MED13: variants seen among roughly 807,000 people sequenced by gnomAD.
MED13 encodes the protein mediator of RNA polymerase II transcription subunit 13.
MED13 carries 23 observed loss-of-function variants against 225.2 expected under a neutral mutation model. That is an observed-to-expected ratio of 0.10 (90% CI 0.07 to 0.14). The LOEUF is 0.14. Among genes scored for constraint, MED13 ranks in the 10% least tolerant of loss-of-function variants. MED13 has a pLI of 1.00. For synonymous variants in MED13, 942 were observed against 889.2 expected, an observed-to-expected ratio of 1.06 and a Z score of -1.06; for missense variants, 2,197 against 2,594.5, an observed-to-expected ratio of 0.85 and a Z score of 3.33.
chr17:61,955,375 T>G lies in MED13; in HGVS notation c.5968+7A>C, dbSNP rs751522081. 4 of 1,515,868 alleles carry G rather than the reference T, an allele frequency of 2.6e-6. No individual in the cohort carries two copies. In the South Asian group the frequency reaches 5.4e-5, roughly 20 times the overall value. The allele number at this position is 1,515,868 out of a possible 1,614,324, so 93.9% of individuals were successfully genotyped here. ...TTCAGACTACCAAAATGGAACAAAT[T>G]ACGTACCATTGTTGGGATTGAAAGC... is the stretch of plus-strand genomic sequence containing the variant. On this transcript the variant is annotated splice_region_variant and intron_variant, in intron 26 of 29. Coordinates refer to ENST00000397786, the MANE Select transcript of MED13 (RefSeq NM_005121.3).
intron 8 of MED13, among the ~76,000 whole-genome samples, chr17:62,018,351 C>T (rs550814582): frequency 4.6e-5 from 7 of 152,132 alleles, no homozygotes; most frequent in South Asian, 2.1e-4. Flanking sequence ...AAAAACAATA[C>T]GGTATAACAA....
chr17:62,052,441 G>A, intron 3 of MED13, 96 bp downstream of exon 3: 1 of 890,870 alleles, frequency 1.1e-6, no homozygotes. Context: ...TCTGGAATAT[G>A]TCTGTATATT....
At position 62,031,291 on chromosome 17, in the gene MED13, AAC is replaced by A. The variant is rs2080753260; in HGVS notation, c.1009+151_1009+152del. The A allele has an allele frequency of 6.2e-6, 4 of 641,156 alleles. No individual in the cohort carries two copies. The South Asian group carries it at 7.5e-5, about 12-fold the overall frequency. 39.7% of individuals were successfully genotyped at this position (641,156 alleles called of 1,614,324 possible). A position where few individuals can be genotyped will look rare whatever the true frequency, so the allele number is the denominator to read the frequency against. On this transcript the variant is annotated intron_variant, in intron 6 of 29. Transcript: ENST00000397786. ...CAGACAGGGTGATGGAGTAAATAATAACAGTTTGGAAATATGGCTAAGGAAAT... is the reference window on the plus strand; with the variant it reads ...CAGACAGGGTGATGGAGTAAATAATAAGTTTGGAAATATGGCTAAGGAAAT...
At chr17:62,024,335 T>C (rs2080679012) in intron 8 of MED13, among the ~76,000 whole-genome samples, 1 of 152,200 alleles carries the variant, frequency 6.6e-6, no homozygotes, top group Non-Finnish European at 1.5e-5. Context: ...AACAACTTTT[T>C]AAAAATAAAA....
At chr17:61,973,879 A>T (rs1206133044) in intron 16 of MED13, among the ~76,000 whole-genome samples, 1 of 152,100 alleles carries the variant, frequency 6.6e-6, no homozygotes, top group African/African-American at 2.4e-5. Context: ...GCTACTCGGG[A>T]GGCTAAGGCA....
chr17:62,025,311 C>CA (rs2080690730), intron 8 of MED13, among the ~76,000 whole-genome samples: 1 of 152,178 alleles, frequency 6.6e-6, no homozygotes, highest in Non-Finnish European at 1.5e-5. Context: ...ATCCGAATTT[C>CA]ACACAACTTT....
chr17:61,994,757 T>C (rs1462090934), intron 10 of MED13, among the ~76,000 whole-genome samples: 1 of 152,208 alleles, frequency 6.6e-6, no homozygotes, highest in Non-Finnish European at 1.5e-5. Context: ...TCACCCAAGC[T>C]GGAGTGCAGT....
intron 28 of MED13, among the ~76,000 whole-genome samples, chr17:61,949,890 G>A (rs971249526): frequency 1.3e-5 from 2 of 151,850 alleles, no homozygotes; most frequent in Non-Finnish European, 1.5e-5. Context: ...TCACCATGTT[G>A]GCCAGACTGG....
At chr17:62,062,594 CACACACCACACACA>C (rs1373402936) in intron 2 of MED13, among the ~76,000 whole-genome samples, 2 of 57,570 alleles carry the variant, frequency 3.5e-5, no homozygotes, top group East Asian at 4.4e-4. Context: ...CACACACACA[CACACACCACACACA>C]CACACACACA....
Position 61,943,194 on chromosome 17 carries a change from CA to C in MED13, c.*3273del. On this transcript the variant is annotated 3_prime_UTR_variant, in exon 30 of 30. Transcript: ENST00000397786. ...TAAAAACATTTTTCCTTAATTCAGA[CA>C]AACTAAAATCTTAAGAGGAAACCCA... The C allele has an allele frequency of 6.6e-6, 1 of 152,568 alleles. No homozygotes were observed. 9.5% of individuals were successfully genotyped at this position (152,568 alleles called of 1,614,324 possible).
chr17:61,972,994 A>T, intron 16 of MED13, 106 bp from the exon 17 acceptor site: 1 of 835,028 alleles, frequency 1.2e-6, no homozygotes, highest in South Asian at 2.1e-5. Flanking sequence ...GGTCTTCAGC[A>T]TCAAGAAGAT....
rs73336433 is a variant in MED13, at chr17:62,037,528, G to A, written c.471-1920C>T. On this transcript the variant is annotated intron_variant, in intron 3 of 29. Transcript: ENST00000397786. ...AAAAATACAAAAATTAGCCGGAGGT[G>A]CAGTGGTATGCGCCTGTAATCCCAG... is the stretch of plus-strand genomic sequence containing the variant. Among the ~76,000 whole-genome samples, 949 of 151,474 alleles carry A rather than the reference G, an allele frequency of 6.3e-3. 7 individuals are homozygous for A. Among genetic ancestry groups the A allele is most frequent in the African/African-American group, 0.022 (897 of 41,286 alleles).
At chr17:62,015,908 C>A (rs1377360142) in intron 8 of MED13, among the ~76,000 whole-genome samples, 2 of 35,778 alleles carry the variant, frequency 5.6e-5, no homozygotes, top group African/African-American at 9.4e-5. Context: ...CACATACACA[C>A]TATACACATA....
chr17:62,041,327 G>C (rs993697144), intron 3 of MED13, among the ~76,000 whole-genome samples: 10 of 152,136 alleles, frequency 6.6e-5, no homozygotes, highest in African/African-American at 2.4e-4. Flanking sequence ...ACCTGCAATA[G>C]TCAAGTTTCT....
At position 62,008,317 on chromosome 17, in the gene MED13, C is replaced by CAAAAA. The variant is rs766909961; in HGVS notation, c.1967+2228_1967+2232dup. 2.4e-3 allele frequency among the ~76,000 whole-genome samples: 79 copies of CAAAAA among 33,204 alleles called. 3 individuals carry two copies. The highest frequency in any genetic ancestry group is 8.2e-3 in the African/African-American group (76 of 9,322). 21.8% of individuals were successfully genotyped at this position (33,204 alleles called of 152,430 possible). A position where few individuals can be genotyped will look rare whatever the true frequency, so the allele number is the denominator to read the frequency against. ...TGGGCCACAGAGCGAGGCTCTGTCTCAAAAAAAAAAAAAAAAAAAAAAAAA... is the reference window on the plus strand; with the variant it reads ...TGGGCCACAGAGCGAGGCTCTGTCTCAAAAAAAAAAAAAAAAAAAAAAAAAAAAAA... On this transcript the variant is annotated intron_variant, in intron 9 of 29. Coordinates refer to ENST00000397786, the MANE Select transcript of MED13 (RefSeq NM_005121.3).
chr17:61,947,684 A>T (rs1172805302), intron 28 of MED13, among the ~76,000 whole-genome samples: 1 of 152,244 alleles, frequency 6.6e-6, no homozygotes, highest in Non-Finnish European at 1.5e-5. Flanking sequence ...AATACAGTGC[A>T]CAGATGCCTG....
intron 15 of MED13, among the ~76,000 whole-genome samples, chr17:61,983,451 A>T (rs1350242977): frequency 6.6e-6 from 1 of 152,180 alleles, no homozygotes; most frequent in Non-Finnish European, 1.5e-5. Flanking sequence ...TACTGACTAT[A>T]AAAAAAGAAA....
chr17:62,059,204 A>C (rs2081019201), intron 2 of MED13, among the ~76,000 whole-genome samples: 1 of 152,224 alleles, frequency 6.6e-6, no homozygotes. Context: ...TTAGTTAATA[A>C]TAAAGTATCA....
In MED13 at chr17:61,962,959, C is replaced by G. The variant is rs769386656; in HGVS notation, c.4857G>C (p.Arg1619=). 6.2e-7 allele frequency: 1 copy of G among 1,613,790 alleles called. No homozygotes were observed. Among genetic ancestry groups the G allele is most frequent in the South Asian group, 1.1e-5 (1 of 91,076 alleles). ...CATCTGTGGGGATTCCCACTTTATC[C>G]CGATCCATCGTGCTAAAATTTAAGG... ...HPDVSESTMD[R]DKVGIPTDGD... is the part of the protein sequence containing the mutation. Residue 1619 remains arginine (R), a synonymous_variant, in exon 21 of 30, where the codon CGG becomes CGC. Transcript: ENST00000397786.
Sources: allele counts gnomAD v4.1 joint callset (sites outside exome capture counted in the v4.1 genomes callset), GRCh38; gene constraint gnomAD v4.1.1; transcripts MANE v1.5; gene names NCBI Gene and HGNC (gene_info 2026-07-23, HGNC 2026-07-21).